ALK: variants seen among roughly 807,000 people sequenced by gnomAD.
The protein encoded by ALK is ALK tyrosine kinase receptor.
A neutral mutation model predicts 163.1 loss-of-function variants in ALK; 74 were observed. That is an observed-to-expected ratio of 0.45 (90% CI 0.38 to 0.55). The LOEUF (loss-of-function observed/expected upper bound fraction) is 0.55, where lower values mean the gene tolerates loss of function less well. ALK is among the 20% of genes least tolerant of loss of function. The pLI is 0.00. For synonymous variants in ALK, 960 were observed against 843.2 expected (o/e 1.14, Z -2.40); for missense variants, 2,063 against 2,105.3 (o/e 0.98, Z 0.39).
At chr2:29,918,253 G>A (rs932216857) in intron 1 of ALK, among the ~76,000 whole-genome samples, 5 of 152,188 alleles carry the variant, frequency 3.3e-5, no homozygotes, top group African/African-American at 1.2e-4. Flanking sequence ...GGATTCTATG[G>A]TCATTTGATA....
chr2:29,589,487 G>C (rs921554816), intron 3 of ALK, among the ~76,000 whole-genome samples: 2 of 152,192 alleles, frequency 1.3e-5, no homozygotes, highest in African/African-American at 4.8e-5. Context: ...AGGGCAGAGA[G>C]ACCAACAAGC....
Position 29,819,561 on chromosome 2 carries a change from G to T in ALK, c.667+100432C>A, listed in dbSNP as rs1664988615. Among the ~76,000 whole-genome samples the T allele has an allele frequency of 2.0e-5, 3 of 152,368 alleles. No homozygotes were observed. The South Asian group carries it at 6.2e-4, about 32-fold the overall frequency. On this transcript the variant is annotated intron_variant, in intron 1 of 28. Coordinates refer to ENST00000389048, the MANE Select transcript of ALK (RefSeq NM_004304.5). ...TGCTCACCCAGGTGTTTTCACCGCT[G>T]ACTGCATTCTCCCATGGTGTAGAGT...
chr2:29,431,452 C>T (rs1330970585), intron 4 of ALK, among the ~76,000 whole-genome samples: 1 of 152,162 alleles, frequency 6.6e-6, no homozygotes, highest in African/African-American at 2.4e-5. Context: ...AAATAAAAAT[C>T]CCTGAAGTGA....
At chr2:29,527,398 G>A (rs1263661572) in intron 4 of ALK, among the ~76,000 whole-genome samples, 1 of 152,136 alleles carries the variant, frequency 6.6e-6, no homozygotes, top group Non-Finnish European at 1.5e-5. Flanking sequence ...TTAATCTAAG[G>A]GCAGTGAGTT....
chr2:29,783,698 T>G (rs1663911418), intron 1 of ALK, among the ~76,000 whole-genome samples: 2 of 152,192 alleles, frequency 1.3e-5, no homozygotes, highest in South Asian at 4.1e-4. Flanking sequence ...AGCTTTGAAA[T>G]ATAAAGTGCT....
intron 16 of ALK, among the ~76,000 whole-genome samples, chr2:29,228,059 T>G (rs1278299280): frequency 6.6e-6 from 1 of 152,034 alleles, no homozygotes; most frequent in Non-Finnish European, 1.5e-5. Flanking sequence ...TGGGTCAGGG[T>G]TGGGGTGTGG....
At chr2:29,447,507 T>C (rs1192821077) in intron 4 of ALK, among the ~76,000 whole-genome samples, 1 of 152,214 alleles carries the variant, frequency 6.6e-6, no homozygotes, top group African/African-American at 2.4e-5. Flanking sequence ...CCAAGATGAT[T>C]GCCCCAATGT....
chr2:29,317,651 G>A (rs962140706), intron 8 of ALK, among the ~76,000 whole-genome samples: 1 of 152,174 alleles, frequency 6.6e-6, no homozygotes, highest in African/African-American at 2.4e-5. Flanking sequence ...TTAATTAACT[G>A]CCCAAACAAA....
chr2:29,380,919 A>G (rs552129064), intron 5 of ALK, among the ~76,000 whole-genome samples: 7 of 152,354 alleles, frequency 4.6e-5, no homozygotes, highest in Non-Finnish European at 1.0e-4. Flanking sequence ...TCAAGTATCT[A>G]GACAGAGACA....
intron 4 of ALK, among the ~76,000 whole-genome samples, chr2:29,442,817 T>C (rs769189885): frequency 6.6e-6 from 1 of 152,210 alleles, no homozygotes; most frequent in South Asian, 2.1e-4. Context: ...CCCTTAAGTT[T>C]CTGGGTTTCA....
chr2:29,352,345 G>A (rs554640608), intron 5 of ALK, among the ~76,000 whole-genome samples: 160 of 152,382 alleles, frequency 1.0e-3, no homozygotes, highest in African/African-American at 3.4e-3. Context: ...TGTGGGGCCT[G>A]TAATACTTGC....
intron 5 of ALK, among the ~76,000 whole-genome samples, chr2:29,383,080 T>G (rs1050096356): frequency 2.0e-5 from 3 of 152,078 alleles, no homozygotes; most frequent in Non-Finnish European, 2.9e-5. Flanking sequence ...AAATTGAGAA[T>G]TTAGGTCTGG....
chr2:29,802,944 C>T (rs948543105), intron 1 of ALK, among the ~76,000 whole-genome samples: 1 of 151,966 alleles, frequency 6.6e-6, no homozygotes, highest in African/African-American at 2.4e-5. Flanking sequence ...AGGTACAGTT[C>T]TCTGTTTCTT....
intron 1 of ALK, among the ~76,000 whole-genome samples, chr2:29,910,314 T>C (rs993566494): frequency 6.6e-6 from 1 of 151,758 alleles, no homozygotes; most frequent in African/African-American, 2.4e-5. Context: ...ATAAAAACTA[T>C]GCAGACTGAA....
chr2:29,646,279 C>A (rs1676872815), intron 3 of ALK, among the ~76,000 whole-genome samples: 1 of 152,164 alleles, frequency 6.6e-6, no homozygotes, highest in Non-Finnish European at 1.5e-5. Flanking sequence ...ATGTCCAAGT[C>A]ATTGGCTCCG....
intron 6 of ALK, among the ~76,000 whole-genome samples, chr2:29,326,864 C>A (rs1178330896): frequency 6.6e-6 from 1 of 152,206 alleles, no homozygotes; most frequent in African/African-American, 2.4e-5. Context: ...AACTTCCTTG[C>A]AGGCCACTGG....
intron 1 of ALK, among the ~76,000 whole-genome samples, chr2:29,914,221 G>A (rs1667774894): frequency 1.3e-5 from 2 of 152,208 alleles, no homozygotes; most frequent in Non-Finnish European, 2.9e-5. Context: ...ATATTTCTGA[G>A]AAAGTCGCCT....
intron 3 of ALK, among the ~76,000 whole-genome samples, chr2:29,684,364 G>A (rs981060166): frequency 6.6e-6 from 1 of 152,188 alleles, no homozygotes; most frequent in Non-Finnish European, 1.5e-5. Context: ...GATGTCACGT[G>A]TCAGCCAACG....
intron 1 of ALK, among the ~76,000 whole-genome samples, chr2:29,873,826 C>G (rs1666636694): frequency 6.6e-6 from 1 of 151,808 alleles, no homozygotes; most frequent in African/African-American, 2.4e-5. Context: ...GTGATAATGA[C>G]TGGGTAGCAA....
Sources: allele counts gnomAD v4.1 joint callset (sites outside exome capture counted in the v4.1 genomes callset), GRCh38; gene constraint gnomAD v4.1.1; transcripts MANE v1.5; gene names NCBI Gene and HGNC (gene_info 2026-07-23, HGNC 2026-07-21).